The following DPH6 variants were observed in gnomAD, a reference collection of about 807,000 sequenced individuals.
DPH6 encodes diphthamine biosynthesis 6.
A neutral mutation model predicts 38.2 loss-of-function variants in DPH6; 33 were observed. The observed-to-expected ratio is 0.86, with a 90% CI of 0.65 to 1.15. The LOEUF (loss-of-function observed/expected upper bound fraction) is 1.15. Among genes scored for constraint, DPH6 ranks in the 50% most tolerant of loss-of-function variants. The pLI is 0.00. For missense variants in DPH6, 325 were observed against 320.0 expected (o/e 1.02, Z -0.12); for synonymous variants, 108 against 103.0 (o/e 1.05, Z -0.30).
At chr15:35,151,732 C>T in the DPH6 span, among the ~76,000 whole-genome samples, 367 of 152,170 alleles carry the variant, frequency 2.4e-3, 1 homozygote, top group African/African-American at 8.3e-3. Flanking sequence ...CACCCTTGAC[C>T]CTGAACTAGA....
intron 3 of DPH6, among the ~76,000 whole-genome samples, chr15:35,518,608 G>C (rs73382772): frequency 2.6e-5 from 4 of 151,832 alleles, no homozygotes; most frequent in Non-Finnish European, 5.9e-5. Flanking sequence ...TTGGGAATGA[G>C]GTGTGTAGGG....
chr15:35,214,606 G>A (rs866852685), downstream of DPH6, among the ~76,000 whole-genome samples: 2 of 151,988 alleles, frequency 1.3e-5, no homozygotes, highest in African/African-American at 2.4e-5. Flanking sequence ...TCTGAATCAC[G>A]GATAAAACTT....
chr15:35,279,062 A>ATATATATATATATATATATAT (rs1454693937), intron 3 of DPH6, among the ~76,000 whole-genome samples: 1 of 122,018 alleles, frequency 8.2e-6, no homozygotes, highest in African/African-American at 3.6e-5. Context: ...AAAAAAAAAA[A>ATATATATATATATATATATAT]AAAAAAATAT....
At chr15:35,298,893 CTG>C in intron 3 of DPH6, 3 of 902,392 alleles carry the variant, frequency 3.3e-6, no homozygotes, top group Non-Finnish European at 5.6e-6. Context: ...CTCGGGGTAA[CTG>C]TCTTTTACTG....
chr15:35,222,404 G>A (rs2051448326), intron 3 of DPH6, among the ~76,000 whole-genome samples: 1 of 152,174 alleles, frequency 6.6e-6, no homozygotes, highest in South Asian at 2.1e-4. Flanking sequence ...AGTCTCATGA[G>A]GTCCTGATGA....
intron 7 of DPH6, among the ~76,000 whole-genome samples, chr15:35,378,288 C>G (rs899943660): frequency 6.6e-6 from 1 of 152,176 alleles, no homozygotes; most frequent in East Asian, 1.9e-4. Context: ...TACCATCTCA[C>G]GCCAGTTAGA....
intron 3 of DPH6, among the ~76,000 whole-genome samples, chr15:35,486,758 CT>C (rs2141162802): frequency 6.6e-6 from 1 of 152,264 alleles, no homozygotes; most frequent in South Asian, 2.1e-4. Context: ...TCCCCAAAGT[CT>C]TAACTAATTA....
chr15:35,206,905 G>C, the DPH6 span, among the ~76,000 whole-genome samples: 4 of 151,730 alleles, frequency 2.6e-5, no homozygotes, highest in African/African-American at 9.7e-5. Flanking sequence ...TTTCCCCGTT[G>C]ATTACTCTGA....
At chr15:35,356,062 C>A (rs181974113) in intron 3 of DPH6, among the ~76,000 whole-genome samples, 1 of 152,198 alleles carries the variant, frequency 6.6e-6, no homozygotes, top group African/African-American at 2.4e-5. Context: ...ACCCTTTCTT[C>A]CAGTTGATCG....
chr15:35,299,487 G>T, intron 3 of DPH6: 1 of 747,922 alleles, frequency 1.3e-6, no homozygotes, highest in Non-Finnish European at 2.5e-6. Flanking sequence ...CTGCCCATGG[G>T]CCGCGGTGGC....
chr15:35,532,397 T>C (rs2055101747), intron 3 of DPH6, among the ~76,000 whole-genome samples: 1 of 152,050 alleles, frequency 6.6e-6, no homozygotes, highest in South Asian at 2.1e-4. Flanking sequence ...CCAGTAGTGG[T>C]GAGAATGAAG....
Position 35,450,801 on chromosome 15 carries a change from C to G in DPH6, c.389G>C (p.Cys130Ser), listed in dbSNP as rs1407801319. The change falls in exon 5 of 9, where the codon TGT becomes TCT. Residue 130 changes from cysteine (C) to serine (S), a missense_variant and splice_region_variant. Physicochemically the swap from Cys to Ser is moderately radical, Grantham distance 112. Transcript: ENST00000256538. Reference protein sequence around the residue: ...DYQRIRVENVCKRLNLQPLAY... With the variant: ...DYQRIRVENVSKRLNLQPLAY... ...TAAAGGCTGGAGATTAAGCCTTTTA[C>G]ACCTACAAAAGAAAAAGAAAAAGAA... 6.3e-7 allele frequency: 1 copy of G among 1,595,788 alleles called. No homozygotes were observed.
the DPH6 span, among the ~76,000 whole-genome samples, chr15:35,151,920 C>T: frequency 3.3e-5 from 5 of 152,316 alleles, no homozygotes; most frequent in Admixed American, 3.3e-4. Context: ...GTGCTCCTTA[C>T]AATTTTCACT....
intron 3 of DPH6, among the ~76,000 whole-genome samples, chr15:35,468,527 C>A (rs1473291376): frequency 6.6e-6 from 1 of 152,142 alleles, no homozygotes; most frequent in Non-Finnish European, 1.5e-5. Context: ...TCCTCATCTA[C>A]CATTCTCCCT....
At chr15:35,395,769 C>A (rs969443621) in intron 6 of DPH6, among the ~76,000 whole-genome samples, 1 of 152,126 alleles carries the variant, frequency 6.6e-6, no homozygotes, top group Non-Finnish European at 1.5e-5. Flanking sequence ...GGATTTACCC[C>A]CCTCACGTTC....
chr15:35,299,474 A>C (rs1473483373), intron 3 of DPH6: 2 of 761,692 alleles, frequency 2.6e-6, no homozygotes, highest in African/African-American at 3.4e-5. Flanking sequence ...CCGCCCGCCG[A>C]CTCTGCCCAT....
At chr15:35,342,873 A>G (rs1262639936) in intron 3 of DPH6, among the ~76,000 whole-genome samples, 2 of 152,176 alleles carry the variant, frequency 1.3e-5, no homozygotes, top group Non-Finnish European at 2.9e-5. Flanking sequence ...TAAGATATCA[A>G]ATGAGAACTC....
intron 5 of DPH6, among the ~76,000 whole-genome samples, chr15:35,448,458 G>T (rs574875158): frequency 6.6e-6 from 1 of 152,170 alleles, no homozygotes; most frequent in South Asian, 2.1e-4. Context: ...ATTTGATTGT[G>T]AAATATCATG....
chr15:35,400,678 T>C, intron 6 of DPH6: 1 of 642,106 alleles, frequency 1.6e-6, no homozygotes, highest in Non-Finnish European at 2.8e-6. Context: ...AAGTCTCTCT[T>C]CCCCCTGCCA....
Sources: gnomAD v4.1 joint callset for allele counts (sites outside exome capture counted in the v4.1 genomes callset) on GRCh38, gnomAD v4.1.1 for gene constraint, MANE v1.5 for transcripts, NCBI Gene and HGNC (gene_info 2026-07-23, HGNC 2026-07-21) for gene names.